HTT: variants seen among roughly 807,000 people sequenced by gnomAD.
HTT encodes huntington disease protein.
Under a neutral mutation model 362.3 loss-of-function variants are expected in HTT, and 104 were observed. The observed-to-expected ratio is 0.29, with a 90% CI of 0.24 to 0.34. The LOEUF is 0.34. HTT is among the 10% of genes least tolerant of loss of function. The pLI is 1.00. For missense variants in HTT, 3,301 were observed against 3,928.6 expected (o/e 0.84, Z 4.27); for synonymous variants, 1,577 against 1,548.7 (o/e 1.02, Z -0.43).
At chr4:3,164,431 G>A (rs909250222) in intron 29 of HTT, among the ~76,000 whole-genome samples, 1 of 152,324 alleles carries the variant, frequency 6.6e-6, no homozygotes, top group South Asian at 2.1e-4. Context: ...TTCTGTAGAT[G>A]TCTATTAGGT....
chr4:3,207,517 A>G (rs1034695350), intron 45 of HTT, among the ~76,000 whole-genome samples, 160 bp downstream of exon 45: 16 of 152,234 alleles, frequency 1.1e-4, no homozygotes, highest in African/African-American at 3.9e-4. Context: ...TTTTAAAACA[A>G]CCAGATCTCA....
At chr4:3,165,648 TATTTC>T (rs1717665130) in intron 29 of HTT, among the ~76,000 whole-genome samples, 1 of 152,084 alleles carries the variant, frequency 6.6e-6, no homozygotes, top group East Asian at 1.9e-4. Flanking sequence ...CTTCTCGCTT[TATTTC>T]ATTAATTTGA....
chr4:3,207,378 C>T (rs377402784), intron 45 of HTT, 21 bp downstream of exon 45: 26 of 1,580,104 alleles, frequency 1.6e-5, no homozygotes, highest in Middle Eastern at 1.7e-4. Context: ...AAACACAGGT[C>T]GTCCTTGTGT....
At position 3,222,736 on chromosome 4, in the gene HTT, G is replaced by A. The variant is rs577811516; in HGVS notation, c.7470+249G>A. Among the ~76,000 whole-genome samples the A allele has an allele frequency of 2.7e-3, 415 of 152,280 alleles. 5 individuals carry two copies. The highest frequency in any genetic ancestry group is 9.6e-3 in the African/African-American group (399 of 41,542). The stretch of plus-strand genomic sequence containing the variant: ...TGCATTCCATGTTAAGGATCAATAC[G>A]ATTGTGCCCTTTCTGGAAAATATCT... On this transcript the variant is annotated intron_variant, in intron 54 of 66. Transcript: ENST00000355072.
chr4:3,237,661 G>A (rs1376998155), intron 64 of HTT, among the ~76,000 whole-genome samples: 2 of 152,210 alleles, frequency 1.3e-5, no homozygotes, highest in African/African-American at 2.4e-5. Flanking sequence ...GCCACTGCTG[G>A]GCGAGGGTCT....
intron 2 of HTT, among the ~76,000 whole-genome samples, chr4:3,087,495 G>A (rs888359671): frequency 1.3e-5 from 2 of 152,226 alleles, no homozygotes; most frequent in Non-Finnish European, 2.9e-5. Flanking sequence ...GGCATTGACT[G>A]TAGGTCAGCT....
rs769875151 is a variant in HTT, at chr4:3,127,405, G to A, written c.1544G>A (p.Cys515Tyr). 1 of 1,614,190 alleles carries A rather than the reference G, an allele frequency of 6.2e-7. No individual in the cohort carries two copies. Among genetic ancestry groups the A allele is most frequent in the East Asian group, 2.2e-5 (1 of 44,868 alleles). ...LQADSVDLAS[C>Y]DLTSSATDGD... ...GCGGACTCAGTGGATCTGGCCAGCT[G>A]TGACTTGACAAGCTCTGCCACTGAT... The change falls in exon 12 of 67, where the codon TGT becomes TAT. Residue 515 changes from cysteine to tyrosine, a missense_variant. Around this residue, in one of 4 missense-constraint regions of HTT, gnomAD observed 2,316 missense variants for 2,658.5 expected, o/e 0.87. Coordinates refer to ENST00000355072, the MANE Select transcript of HTT (RefSeq NM_001388492.1).
intron 19 of HTT, 96 bp downstream of exon 19, chr4:3,134,636 C>T: frequency 8.8e-7 from 1 of 1,130,758 alleles, no homozygotes; most frequent in East Asian, 2.4e-5. Context: ...AGTACCCTGT[C>T]CATCAGAAAT....
chr4:3,092,713 T>C (rs1182581951), intron 2 of HTT, among the ~76,000 whole-genome samples: 2 of 152,236 alleles, frequency 1.3e-5, no homozygotes, highest in African/African-American at 2.4e-5. Flanking sequence ...CTGGAAAATA[T>C]ATTAACAATG....
chr4:3,124,140 A>G (rs1275034316), intron 10 of HTT, among the ~76,000 whole-genome samples: 1 of 152,226 alleles, frequency 6.6e-6, no homozygotes, highest in African/African-American at 2.4e-5. Flanking sequence ...TTAGTGAAAC[A>G]TTGTTTAGAA....
chr4:3,183,083 T>C (rs953269647), intron 37 of HTT, among the ~76,000 whole-genome samples: 1 of 152,338 alleles, frequency 6.6e-6, no homozygotes, highest in African/African-American at 2.4e-5. Flanking sequence ...GGTCTCGCTG[T>C]GTTGCCCAGG....
At position 3,199,854 on chromosome 4, in the gene HTT, G is replaced by A. The variant is rs1315001677; in HGVS notation, c.5491G>A (p.Ala1831Thr). 15 of 1,614,126 alleles carry A rather than the reference G, an allele frequency of 9.3e-6. No homozygotes were observed. The highest frequency in any genetic ancestry group is 9.3e-6 in the Non-Finnish European group (11 of 1,180,032). Residue 1831 changes from alanine (A) to threonine (T), a missense_variant, in exon 41 of 67, where the codon GCC becomes ACC. Coordinates refer to ENST00000355072, the MANE Select transcript of HTT (RefSeq NM_001388492.1). The part of the protein sequence containing the change: ...RARSMITTHP[A>T]LVLLWCQILL... ...TCGTTCCATGATCACCACCCACCCG[G>A]CCCTGGTGCTGCTCTGGTGTCAGAT...
chr4:3,231,014 C>T lies in HTT; in HGVS notation c.8265+972C>T, dbSNP rs185622523. The stretch of plus-strand genomic sequence containing the variant: ...ACCTGTATTCTGTGGCACATCACCA[C>T]ATGGTATTTGCCAAGTATCCATCAC... On this transcript the variant is annotated intron_variant, in intron 60 of 66. Transcript: ENST00000355072. Among the ~76,000 whole-genome samples the T allele has an allele frequency of 1.1e-4, 16 of 152,356 alleles. No homozygotes were observed. The East Asian group carries it at 3.1e-3, about 29-fold the overall frequency.
chr4:3,093,905 G>GGTT (rs1255170353), intron 2 of HTT, among the ~76,000 whole-genome samples: 1 of 23,898 alleles, frequency 4.2e-5, no homozygotes, highest in African/African-American at 1.5e-4. Context: ...CTTTAAGTTG[G>GGTT]TTTTTTTTTT....
At chr4:3,128,381 A>G (rs1213608322) in intron 12 of HTT, 1 of 152,216 alleles carries the variant, frequency 6.6e-6, no homozygotes, top group East Asian at 1.9e-4. Context: ...ACTGAAGGAA[A>G]CAACTTAGTG....
intron 29 of HTT, among the ~76,000 whole-genome samples, chr4:3,163,457 G>A (rs1717541531): frequency 6.6e-6 from 1 of 152,166 alleles, no homozygotes; most frequent in Non-Finnish European, 1.5e-5. Context: ...AGTTAGGGAG[G>A]ATTCTCTCTT....
intron 41 of HTT, among the ~76,000 whole-genome samples, chr4:3,201,459 G>A (rs1719525742): frequency 6.7e-6 from 1 of 150,098 alleles, no homozygotes; most frequent in African/African-American, 2.5e-5. Context: ...GAACCTAGGA[G>A]GAAAAGGTTG....
Position 3,132,576 on chromosome 4 carries a change from T to A in HTT, c.2251T>A (p.Ser751Thr). 1.9e-6 allele frequency: 3 copies of A among 1,614,042 alleles called. No individual in the cohort carries two copies. Among genetic ancestry groups the A allele is most frequent in the Non-Finnish European group, 2.5e-6 (3 of 1,179,914 alleles). ...TTEYPEEQYV[S>T]DILNYIDHGD... ...TATCTCCACAGAGGAACAGTATGTC[T>A]CAGACATCTTGAACTACATCGATCA... The change falls in exon 17 of 67, where the codon TCA (serine) becomes ACA (threonine). Residue 751 changes from serine to threonine, a missense_variant. By Grantham distance (58) the Ser-to-Thr change is moderately conservative. Around this residue, in one of 4 missense-constraint regions of HTT, gnomAD observed 2,316 missense variants for 2,658.5 expected, o/e 0.87. Transcript: ENST00000355072.
chr4:3,079,413 C>T (rs1428948465), intron 1 of HTT, among the ~76,000 whole-genome samples: 1 of 152,028 alleles, frequency 6.6e-6, no homozygotes, highest in Non-Finnish European at 1.5e-5. Flanking sequence ...TGAGCCATCA[C>T]ACCTGGCCAG....
Sources: gnomAD v4.1 joint callset for allele counts (sites outside exome capture counted in the v4.1 genomes callset) on GRCh38, gnomAD v4.1.1 for gene constraint, gnomAD v4.1.1 regional missense constraint, MANE v1.5 for transcripts, NCBI Gene and HGNC (gene_info 2026-07-23, HGNC 2026-07-21) for gene names.